TMEM132C: variants seen among roughly 807,000 people sequenced by gnomAD.
The protein encoded by TMEM132C is transmembrane protein 132C.
A neutral mutation model predicts 61.4 loss-of-function variants in TMEM132C; 29 were observed. The ratio of observed to expected loss-of-function variants is 0.47; its 90% CI spans 0.35 to 0.64. The LOEUF is 0.64. Ranked by LOEUF, TMEM132C falls within the 30% of genes least tolerant of loss-of-function variation. The pLI is 0.00. For missense variants in TMEM132C, 1,408 were observed against 1,476.9 expected (o/e 0.95, Z 0.76); for synonymous variants, 656 against 633.1 (o/e 1.04, Z -0.54).
intron 5 of TMEM132C, among the ~76,000 whole-genome samples, chr12:128,682,313 A>G (rs1278632229): frequency 6.6e-6 from 1 of 152,068 alleles, no homozygotes; most frequent in Non-Finnish European, 1.5e-5. Flanking sequence ...TTGTCGCCTG[A>G]TTGTTCCCTG....
intron 5 of TMEM132C, among the ~76,000 whole-genome samples, chr12:128,690,428 C>T: frequency 6.6e-6 from 1 of 152,278 alleles, no homozygotes; most frequent in East Asian, 1.9e-4. Flanking sequence ...ACATTTATGA[C>T]ACCTTCAGGA....
intron 2 of TMEM132C, among the ~76,000 whole-genome samples, chr12:128,523,184 C>G (rs1351176180): frequency 6.6e-6 from 1 of 152,130 alleles, no homozygotes; most frequent in Non-Finnish European, 1.5e-5. Flanking sequence ...CTGTAGGGTT[C>G]CGCTTACATG....
At chr12:128,395,202 A>G (rs1183419272) in intron 1 of TMEM132C, among the ~76,000 whole-genome samples, 1 of 150,288 alleles carries the variant, frequency 6.7e-6, no homozygotes, top group Non-Finnish European at 1.5e-5. Flanking sequence ...AATTAAATAT[A>G]TAGTTCATTC....
At chr12:128,658,356 G>A (rs1954349728) in intron 4 of TMEM132C, among the ~76,000 whole-genome samples, 1 of 152,206 alleles carries the variant, frequency 6.6e-6, no homozygotes, top group Admixed American at 6.5e-5. Flanking sequence ...TTTCAAAACT[G>A]GACCTTTCTT....
chr12:128,293,547 A>AT (rs202081639), intron 1 of TMEM132C, among the ~76,000 whole-genome samples: 1,565 of 152,176 alleles, frequency 0.01, 20 homozygotes, highest in South Asian at 0.035. Context: ...TTCAATCAGG[A>AT]TTTTTTATTT....
chr12:128,286,373 T>C (rs752492874), intron 1 of TMEM132C, among the ~76,000 whole-genome samples: 14 of 152,262 alleles, frequency 9.2e-5, no homozygotes, highest in Non-Finnish European at 1.9e-4. Flanking sequence ...GTGAAGCACA[T>C]TGATTGGGCT....
chr12:128,364,980 C>T (rs916668647), intron 1 of TMEM132C, among the ~76,000 whole-genome samples: 3 of 152,174 alleles, frequency 2.0e-5, no homozygotes, highest in Admixed American at 2.0e-4. Context: ...AGGAGGTGTC[C>T]CCAGTGCTTT....
rs1362798425 is a variant in TMEM132C at position 128,696,029 on chromosome 12, G to A, written c.1855G>A (p.Glu619Lys). 6.4e-7 allele frequency: 1 copy of A among 1,551,750 alleles called. No homozygotes were observed. The highest frequency in any genetic ancestry group is 2.0e-5 in the Admixed American group (1 of 51,004). Residue 619 changes from glutamate to lysine, a missense_variant, in exon 7 of 9, where the codon GAG (glutamate) becomes AAG (lysine). Coordinates refer to ENST00000435159, the MANE Select transcript of TMEM132C (RefSeq NM_001136103.3). The part of the protein sequence containing the change: ...THLVADFMKL[E>K]EPHVATLQDS... ...CCTGGTGGCAGACTTCATGAAGCTGGAGGAACCTCACGTGGCCACCCTCCA... is the reference window on the plus strand; with the variant it reads ...CCTGGTGGCAGACTTCATGAAGCTGAAGGAACCTCACGTGGCCACCCTCCA...
intron 2 of TMEM132C, among the ~76,000 whole-genome samples, chr12:128,440,429 G>A (rs1489880025): frequency 6.6e-6 from 1 of 152,172 alleles, no homozygotes; most frequent in African/African-American, 2.4e-5. Flanking sequence ...ACCATGCCCA[G>A]AGTAATAGCC....
chr12:128,495,622 A>G (rs1295442025), intron 2 of TMEM132C, among the ~76,000 whole-genome samples: 1 of 152,102 alleles, frequency 6.6e-6, no homozygotes, highest in East Asian at 1.9e-4. Flanking sequence ...TTGTTGGTTT[A>G]AAGTCTGTTT....
chr12:128,584,462 A>C (rs538815885), intron 3 of TMEM132C, among the ~76,000 whole-genome samples: 3 of 152,096 alleles, frequency 2.0e-5, no homozygotes, highest in Non-Finnish European at 4.4e-5. Context: ...TAGTGTAAGT[A>C]CTCGTTTTTG....
At chr12:128,291,785 A>G (rs991138341) in intron 1 of TMEM132C, among the ~76,000 whole-genome samples, 5 of 152,170 alleles carry the variant, frequency 3.3e-5, no homozygotes, top group African/African-American at 9.7e-5. Context: ...TTCTGGACAC[A>G]TTCTAGTCCT....
chr12:128,357,340 G>A (rs1873540817), intron 1 of TMEM132C, among the ~76,000 whole-genome samples: 1 of 152,034 alleles, frequency 6.6e-6, no homozygotes, highest in African/African-American at 2.4e-5. Context: ...AGACCCCCCC[G>A]GCTCCATCAT....
At chr12:128,427,170 T>C (rs1869213494) in intron 2 of TMEM132C, among the ~76,000 whole-genome samples, 1 of 152,144 alleles carries the variant, frequency 6.6e-6, no homozygotes, top group Non-Finnish European at 1.5e-5. Context: ...GCACCATTTA[T>C]GTCTTGAAAC....
At chr12:128,410,898 C>T (rs1868512816) in intron 1 of TMEM132C, among the ~76,000 whole-genome samples, 1 of 151,948 alleles carries the variant, frequency 6.6e-6, no homozygotes, top group South Asian at 2.1e-4. Flanking sequence ...TTTTGTGTAC[C>T]TTTAGACGTC....
chr12:128,581,979 C>T (rs940162507), intron 3 of TMEM132C, among the ~76,000 whole-genome samples: 1 of 152,178 alleles, frequency 6.6e-6, no homozygotes, highest in Non-Finnish European at 1.5e-5. Flanking sequence ...CAGCAAATGC[C>T]ACACCCAACT....
At chr12:128,395,548 C>T (rs1375312843) in intron 1 of TMEM132C, among the ~76,000 whole-genome samples, 3 of 152,124 alleles carry the variant, frequency 2.0e-5, no homozygotes, top group Admixed American at 6.5e-5. Flanking sequence ...TATGAAACAT[C>T]GCAGCTCAGC....
In TMEM132C at chr12:128,415,596, C is replaced by A; in HGVS notation, c.950C>A (p.Ser317Tyr). 6.5e-7 allele frequency: 1 copy of A among 1,535,724 alleles called. No individual in the cohort carries two copies. Among genetic ancestry groups the A allele is most frequent in the South Asian group, 1.2e-5 (1 of 81,856 alleles). The change falls in exon 2 of 9, where the codon TCC (serine) becomes TAC (tyrosine). Residue 317 changes from serine to tyrosine, a missense_variant. Physicochemically the swap from Ser to Tyr is moderately radical, Grantham distance 144 (BLOSUM62 -2). Transcript: ENST00000435159. The surrounding 1 kb of genome is among the most constrained non-coding windows in gnomAD (Gnocchi z 5.8). Reference sequence around the variant, plus strand: ...GCCTATGTCACCATCTCGAGCAATTCCTCTGTGGACCTCTTCATCTTGAGG... The same window carrying A: ...GCCTATGTCACCATCTCGAGCAATTACTCTGTGGACCTCTTCATCTTGAGG... ...VTAYVTISSN[S>Y]SVDLFILRAK... is the part of the protein sequence containing the mutation.
intron 5 of TMEM132C, among the ~76,000 whole-genome samples, chr12:128,685,784 A>G (rs921051145): frequency 6.6e-6 from 1 of 152,144 alleles, no homozygotes; most frequent in Non-Finnish European, 1.5e-5. Flanking sequence ...ACTGATGACT[A>G]CCAGCTGTGT....
Sources: gnomAD v4.1 joint callset for allele counts (sites outside exome capture counted in the v4.1 genomes callset) on GRCh38, gnomAD v4.1.1 for gene constraint, Gnocchi (gnomAD v3.1) non-coding constraint, MANE v1.5 for transcripts, NCBI Gene and HGNC (gene_info 2026-07-23, HGNC 2026-07-21) for gene names.